The following RANBP17 variants were observed in gnomAD, a reference collection of about 807,000 sequenced individuals.
RANBP17 encodes the protein ran-binding protein 17.
In RANBP17, 158 loss-of-function variants were observed where a neutral mutation model predicts 141.2. The ratio of observed to expected loss-of-function variants is 1.12; its 90% confidence interval spans 0.98 to 1.28. RANBP17 has a LOEUF of 1.28. Among genes scored for constraint, RANBP17 ranks in the 50% most tolerant of loss-of-function variants. RANBP17 has a pLI of 0.00. For missense variants in RANBP17, 1,438 were observed against 1,290.7 expected (o/e 1.11, Z -1.75); for synonymous variants, 430 against 450.0 (o/e 0.96, Z 0.56).
At chr5:171,057,572 C>G (rs1009664111) in intron 14 of RANBP17, among the ~76,000 whole-genome samples, 1 of 152,072 alleles carries the variant, frequency 6.6e-6, no homozygotes, top group Non-Finnish European at 1.5e-5. Flanking sequence ...TTTACAATCA[C>G]AAATGATACT....
chr5:170,880,030 T>G (rs1248239501), intron 2 of RANBP17, among the ~76,000 whole-genome samples: 1 of 152,166 alleles, frequency 6.6e-6, no homozygotes, highest in East Asian at 1.9e-4. Context: ...CTTTGTAAAT[T>G]TGTTCAGCTA....
In RANBP17 at chr5:171,000,983, A is replaced by G. The variant is rs182110069; in HGVS notation, c.1710+32606A>G. On this transcript the variant is annotated intron_variant, in intron 14 of 27. Transcript: ENST00000523189. ...CAGTTGCTTCAGGCCGTCCGGATGT[A>G]TATGTGCAGGTCACGGGATATGATG... 2.3e-3 allele frequency among the ~76,000 whole-genome samples: 350 copies of G among 152,274 alleles called. 7 individuals carry two copies. Among genetic ancestry groups the G allele is most frequent in the Non-Finnish European group, 1.3e-4 (9 of 68,028 alleles).
rs1237051694 is a variant in RANBP17, at chr5:170,996,345, G to T, written c.1710+27968G>T. Among the ~76,000 whole-genome samples, 3 of 152,136 alleles carry T rather than the reference G, an allele frequency of 2.0e-5. No homozygotes were observed. In the South Asian group the frequency reaches 6.2e-4, roughly 32 times the overall value. On this transcript the variant is annotated intron_variant, in intron 14 of 27. Transcript: ENST00000523189. Reference sequence around the variant, plus strand: ...ATGAGGAATGGAAAATTTTTTAATGGAAATTTGACTTGGAGTGATTGTCAT... The same window carrying T: ...ATGAGGAATGGAAAATTTTTTAATGTAAATTTGACTTGGAGTGATTGTCAT...
chr5:170,893,972 C>T (rs1769882253), intron 4 of RANBP17, among the ~76,000 whole-genome samples: 1 of 152,062 alleles, frequency 6.6e-6, no homozygotes, highest in Non-Finnish European at 1.5e-5. Flanking sequence ...ATAACTTCAT[C>T]ATATAGTGCA....
chr5:170,862,141 G>T, intron 1 of RANBP17, 90 bp downstream of exon 1: 1 of 1,295,032 alleles, frequency 7.7e-7, no homozygotes, highest in Non-Finnish European at 1.0e-6. Flanking sequence ...GGACAGCGGC[G>T]GAGGCCGCAG....
At chr5:171,041,692 T>C (rs748279892) in intron 14 of RANBP17, among the ~76,000 whole-genome samples, 42 of 152,198 alleles carry the variant, frequency 2.8e-4, no homozygotes, top group Non-Finnish European at 5.4e-4. Flanking sequence ...TAAGTACTTA[T>C]GTATCTAATC....
At chr5:170,874,546 A>G (rs559819563) in intron 1 of RANBP17, among the ~76,000 whole-genome samples, 6 of 151,786 alleles carry the variant, frequency 4.0e-5, no homozygotes, top group South Asian at 2.1e-4. Flanking sequence ...AGGATAGCTC[A>G]TTATGTTGAA....
chr5:170,975,971 A>G (rs765515025), intron 14 of RANBP17, among the ~76,000 whole-genome samples: 1 of 142,812 alleles, frequency 7.0e-6, no homozygotes, highest in African/African-American at 2.5e-5. Flanking sequence ...TAGGGGTTCT[A>G]TTGAGATAAA....
chr5:171,148,671 A>G (rs751329835), intron 14 of RANBP17, among the ~76,000 whole-genome samples: 5 of 152,086 alleles, frequency 3.3e-5, no homozygotes, highest in Admixed American at 1.3e-4. Flanking sequence ...GGTTAAGAGT[A>G]TGGGCTTTGA....
chr5:171,207,793 C>T (rs992768580), intron 20 of RANBP17: 4 of 151,970 alleles, frequency 2.6e-5, no homozygotes, highest in Non-Finnish European at 5.9e-5. Flanking sequence ...TATAGTTTTC[C>T]TTTGGGCGAG....
At chr5:170,947,478 G>A (rs1018659333) in intron 12 of RANBP17, among the ~76,000 whole-genome samples, 1 of 151,978 alleles carries the variant, frequency 6.6e-6, no homozygotes, top group African/African-American at 2.4e-5. Flanking sequence ...AAATAATGAA[G>A]CAAGGAAAGA....
Position 171,295,992 on chromosome 5 carries a change from C to T in RANBP17, c.3148C>T (p.Leu1050=). 1 of 1,613,784 alleles carries T rather than the reference C, an allele frequency of 6.2e-7. No individual in the cohort carries two copies. The highest frequency in any genetic ancestry group is 8.5e-7 in the Non-Finnish European group (1 of 1,179,766). Residue 1050 remains leucine, a synonymous_variant, in exon 27 of 28, where the codon CTG becomes TTG. Coordinates refer to ENST00000523189, the MANE Select transcript of RANBP17 (RefSeq NM_022897.5). ...CCTAATGGAAGGAGTGGAGCAGAAC[C>T]TGTCCGTCAAGAACAGAGACAGGTG... is the stretch of plus-strand genomic sequence containing the variant. ...RNLMEGVEQN[L]SVKNRDRFTQ... is the part of the protein sequence containing the mutation.
At chr5:171,110,113 A>G (rs756151008) in intron 14 of RANBP17, among the ~76,000 whole-genome samples, 12 of 151,420 alleles carry the variant, frequency 7.9e-5, no homozygotes, top group Non-Finnish European at 1.2e-4. Context: ...TGATATGTTT[A>G]TCAGTATCAT....
In RANBP17 at chr5:171,099,208, A is replaced by G. The variant is rs376158775; in HGVS notation, c.1711-70922A>G. 4.4e-4 allele frequency among the ~76,000 whole-genome samples: 67 copies of G among 152,288 alleles called. 2 individuals carry two copies. The South Asian group carries it at 0.013, about 30-fold the overall frequency. On this transcript the variant is annotated intron_variant, in intron 14 of 27. Coordinates refer to ENST00000523189, the MANE Select transcript of RANBP17 (RefSeq NM_022897.5). Reference sequence around the variant, plus strand: ...GAATCTATAAATTACTTTGGGCAGTATGGTCATTTTCACAATATTGGTTCT... The same window carrying G: ...GAATCTATAAATTACTTTGGGCAGTGTGGTCATTTTCACAATATTGGTTCT...
At chr5:171,270,929 T>C (rs112101954) in intron 25 of RANBP17, among the ~76,000 whole-genome samples, 160 of 152,184 alleles carry the variant, frequency 1.1e-3, no homozygotes, top group Admixed American at 1.8e-3. Context: ...CATAGAGGAA[T>C]TAGAGCAGTT....
chr5:171,100,680 A>C (rs1456361391), intron 14 of RANBP17, among the ~76,000 whole-genome samples: 1 of 151,934 alleles, frequency 6.6e-6, no homozygotes, highest in Non-Finnish European at 1.5e-5. Context: ...TAGTTCTTTT[A>C]ATTGTGATGT....
chr5:171,229,843 G>A (rs1391439834), intron 22 of RANBP17, among the ~76,000 whole-genome samples: 3 of 150,728 alleles, frequency 2.0e-5, no homozygotes, highest in Non-Finnish European at 3.0e-5. Flanking sequence ...GGGCGAGTGG[G>A]TCACCTGAGG....
rs1767341288 is a variant in RANBP17 at position 170,867,282 on chromosome 5, T to A, written c.18+5231T>A. On this transcript the variant is annotated intron_variant, in intron 1 of 27. Coordinates refer to ENST00000523189, the MANE Select transcript of RANBP17 (RefSeq NM_022897.5). ...GACTCAGAATTTGATTATTTATCAT[T>A]AATCTTGAGGAATTTATGTATATTT... 5 of 152,236 alleles carry A rather than the reference T, an allele frequency of 3.3e-5. No homozygotes were observed. The South Asian group carries it at 1.0e-3, about 32-fold the overall frequency. 9.4% of individuals were successfully genotyped at this position (152,236 alleles called of 1,614,324 possible). A position where few individuals can be genotyped will look rare whatever the true frequency, so the allele number is the denominator to read the frequency against.
intron 19 of RANBP17, 99 bp downstream of exon 19, chr5:171,199,872 C>T (rs903099311): frequency 1.4e-5 from 8 of 574,532 alleles, no homozygotes; most frequent in Admixed American, 1.2e-4. Context: ...CTCTTTGCCT[C>T]CTCAGACCTG....
Sources: gnomAD v4.1 joint callset for allele counts (sites outside exome capture counted in the v4.1 genomes callset) on GRCh38, gnomAD v4.1.1 for gene constraint, MANE v1.5 for transcripts, NCBI Gene and HGNC (gene_info 2026-07-23, HGNC 2026-07-21) for gene names.